The following VAV3 variants were observed in gnomAD, a reference collection of about 807,000 sequenced individuals.
The protein encoded by VAV3 is guanine nucleotide exchange factor VAV3.
A neutral mutation model predicts 131.2 loss-of-function variants in VAV3; 94 were observed. The ratio of observed to expected loss-of-function variants is 0.72; its 90% confidence interval spans 0.61 to 0.85. VAV3 has a LOEUF of 0.85. Ranked by LOEUF, VAV3 falls within the 40% of genes least tolerant of loss-of-function variation. VAV3 has a pLI of 0.00. For synonymous variants in VAV3, 349 were observed against 342.0 expected (o/e 1.02, Z -0.22); for missense variants, 939 against 1,002.7 (o/e 0.94, Z 0.86).
chr1:107,573,685 T>C (rs763279891), intron 26 of VAV3, among the ~76,000 whole-genome samples: 53 of 152,226 alleles, frequency 3.5e-4, no homozygotes, highest in Non-Finnish European at 2.1e-4. Context: ...ACAGAGGTAC[T>C]ATGTCCCATT....
chr1:107,940,570 T>C (rs1673936884), intron 1 of VAV3, among the ~76,000 whole-genome samples: 1 of 152,184 alleles, frequency 6.6e-6, no homozygotes, highest in Admixed American at 6.5e-5. Context: ...TAAAACTCGA[T>C]TGGGAGACAA....
intron 2 of VAV3, among the ~76,000 whole-genome samples, chr1:107,795,295 T>C (rs532716249): frequency 5.7e-4 from 87 of 152,352 alleles, no homozygotes; most frequent in Non-Finnish European, 1.1e-3. Context: ...TAGTAAACTA[T>C]GTCCTTTAAA....
chr1:107,766,019 A>T lies in VAV3; in HGVS notation c.821+428T>A, dbSNP rs182456010. Among the ~76,000 whole-genome samples, 21 of 152,298 alleles carry T rather than the reference A, an allele frequency of 1.4e-4. No individual in the cohort carries two copies. In the East Asian group the frequency reaches 4.1e-3, roughly 29 times the overall value. On this transcript the variant is annotated intron_variant, in intron 8 of 26. Transcript: ENST00000370056. Reference sequence around the variant, plus strand: ...ACTGACTCTGCGAATCTAATACTCCAAAATAGAGTGTCATAAAATACCAGA... The same window carrying T: ...ACTGACTCTGCGAATCTAATACTCCTAAATAGAGTGTCATAAAATACCAGA...
intron 2 of VAV3, among the ~76,000 whole-genome samples, chr1:107,853,628 A>T (rs148329276): frequency 8.4e-4 from 125 of 148,582 alleles, no homozygotes; most frequent in Admixed American, 2.1e-3. Context: ...AATGTCTTTA[A>T]AAAAAAAAGT....
chr1:107,945,835 AAAG>A lies in VAV3; in HGVS notation c.204+18828_204+18830del, dbSNP rs199571589. 7.7e-5 allele frequency among the ~76,000 whole-genome samples: 5 copies of A among 64,806 alleles called. 1 individual carries two copies. Among genetic ancestry groups the A allele is most frequent in the African/African-American group, 1.2e-4 (3 of 25,282 alleles). 42.5% of individuals were successfully genotyped at this position (64,806 alleles called of 152,430 possible). A position where few individuals can be genotyped will look rare whatever the true frequency, so the allele number is the denominator to read the frequency against. ...AAAACTCCGACTCAAAAAAAAAAAAAAAGAAAGAAAGAAAAGAAAAACAGTCAC... is the reference window on the plus strand; with the variant it reads ...AAAACTCCGACTCAAAAAAAAAAAAAAAAGAAAGAAAAGAAAAACAGTCAC... On this transcript the variant is annotated intron_variant, in intron 1 of 26. Transcript: ENST00000370056.
intron 9 of VAV3, among the ~76,000 whole-genome samples, chr1:107,764,081 A>G (rs1048588581): frequency 4.9e-4 from 75 of 152,010 alleles, no homozygotes; most frequent in Non-Finnish European, 7.9e-4. Flanking sequence ...TCAGGAAAAA[A>G]AAAAACAAAA....
Position 107,617,549 on chromosome 1 carries a change from T to A in VAV3, c.1980+18A>T, listed in dbSNP as rs1446717188. On this transcript the variant is annotated intron_variant, in intron 21 of 26. Coordinates refer to ENST00000370056, the MANE Select transcript of VAV3 (RefSeq NM_006113.5). ...AAAACAAAATGAAGCAAGAGAAAAT[T>A]AAGATACTAATACTTACACATGGGC... 11 of 1,591,890 alleles carry A rather than the reference T, an allele frequency of 6.9e-6. No homozygotes were observed. The East Asian group carries it at 2.2e-4, about 32-fold the overall frequency.
At chr1:107,575,615 C>T (rs1231788845) in intron 25 of VAV3, among the ~76,000 whole-genome samples, 3 of 152,154 alleles carry the variant, frequency 2.0e-5, no homozygotes, top group Non-Finnish European at 2.9e-5. Context: ...CTGTTAGAGT[C>T]GGTGCACATA....
rs545786758 is a variant in VAV3, at chr1:107,632,069, G to A, written c.1914+10550C>T. 7.6e-4 allele frequency among the ~76,000 whole-genome samples: 115 copies of A among 152,248 alleles called. 1 individual carries two copies. Among genetic ancestry groups the A allele is most frequent in the Middle Eastern group, 3.4e-3 (1 of 294 alleles). On this transcript the variant is annotated intron_variant, in intron 20 of 26. Coordinates refer to ENST00000370056, the MANE Select transcript of VAV3 (RefSeq NM_006113.5). ...AATCACCACACTGACTTCCACAATG[G>A]TTGAACTAGTTTACAGTCCCACCAA...
chr1:107,923,201 T>A (rs1020957732), intron 1 of VAV3, among the ~76,000 whole-genome samples: 7 of 152,154 alleles, frequency 4.6e-5, no homozygotes, highest in African/African-American at 1.7e-4. Context: ...TGGACTCATA[T>A]GGTATATTTC....
chr1:107,653,526 CA>C (rs1477456253), intron 19 of VAV3, among the ~76,000 whole-genome samples: 1 of 152,068 alleles, frequency 6.6e-6, no homozygotes, highest in Non-Finnish European at 1.5e-5. Flanking sequence ...CAATATCTAA[CA>C]GGTAACTCTA....
At chr1:107,729,026 CA>C (rs1166095586) in intron 15 of VAV3, among the ~76,000 whole-genome samples, 3 of 152,128 alleles carry the variant, frequency 2.0e-5, no homozygotes, top group African/African-American at 7.2e-5. Flanking sequence ...ATGTTTAGGT[CA>C]TGATAATTGG....
intron 10 of VAV3, 52 bp downstream of exon 10, chr1:107,760,732 A>G: frequency 7.1e-7 from 1 of 1,414,686 alleles, no homozygotes; most frequent in South Asian, 1.2e-5. Context: ...CTTCATTAAT[A>G]TTTTGTTGAG....
rs186061797 is a variant in VAV3, at chr1:107,964,550, C to T, written c.204+116G>A. On this transcript the variant is annotated intron_variant, in intron 1 of 26. Coordinates refer to ENST00000370056, the MANE Select transcript of VAV3 (RefSeq NM_006113.5). Reference sequence around the variant, plus strand: ...GCCGAAGTGGTCCCAAAGCAGAAGGCTGGGAAGCAGGGCAAGCTCAGCGCA... The same window carrying T: ...GCCGAAGTGGTCCCAAAGCAGAAGGTTGGGAAGCAGGGCAAGCTCAGCGCA... 1.7e-4 allele frequency: 198 copies of T among 1,195,194 alleles called. No individual in the cohort carries two copies. The African/African-American group carries it at 2.1e-3, about 13-fold the overall frequency. 74.0% of individuals were successfully genotyped at this position (1,195,194 alleles called of 1,614,324 possible). A position where few individuals can be genotyped will look rare whatever the true frequency, so the allele number is the denominator to read the frequency against.
At chr1:107,718,858 G>T (rs1200923578) in intron 15 of VAV3, among the ~76,000 whole-genome samples, 1 of 152,040 alleles carries the variant, frequency 6.6e-6, no homozygotes, top group Non-Finnish European at 1.5e-5. Flanking sequence ...CCAAAACAGA[G>T]ATATAGACCA....
At chr1:107,591,877 A>G (rs1333955414) in intron 25 of VAV3, among the ~76,000 whole-genome samples, 1 of 152,178 alleles carries the variant, frequency 6.6e-6, no homozygotes, top group Non-Finnish European at 1.5e-5. Context: ...CTTCTCTTAT[A>G]TAACCACAGT....
chr1:107,583,329 T>C (rs1650221780), intron 25 of VAV3, among the ~76,000 whole-genome samples: 1 of 152,202 alleles, frequency 6.6e-6, no homozygotes, highest in Non-Finnish European at 1.5e-5. Flanking sequence ...ACTGGAAGCA[T>C]TCCCTTTGCA....
At chr1:107,814,935 A>G (rs1667501190) in intron 2 of VAV3, among the ~76,000 whole-genome samples, 1 of 152,192 alleles carries the variant, frequency 6.6e-6, no homozygotes, top group Admixed American at 6.5e-5. Flanking sequence ...GGTATACCTG[A>G]GCCTGATTTA....
At chr1:107,697,259 A>C (rs1056177036) in intron 17 of VAV3, among the ~76,000 whole-genome samples, 1 of 151,862 alleles carries the variant, frequency 6.6e-6, no homozygotes, top group African/African-American at 2.4e-5. Context: ...CCCCGATCTG[A>C]GAGTAAAAAA....
Sources: allele counts gnomAD v4.1 joint callset (sites outside exome capture counted in the v4.1 genomes callset), GRCh38; gene constraint gnomAD v4.1.1; transcripts MANE v1.5; gene names NCBI Gene and HGNC (gene_info 2026-07-23, HGNC 2026-07-21).